KCTD8: variants seen among roughly 807,000 people sequenced by gnomAD.
KCTD8 encodes the protein BTB/POZ domain-containing protein KCTD8.
Under a neutral mutation model 31.5 loss-of-function variants are expected in KCTD8, and 27 were observed. That is an observed-to-expected ratio of 0.86 (90% CI 0.63 to 1.18). The LOEUF (loss-of-function observed/expected upper bound fraction) is 1.18. Ranked by LOEUF, KCTD8 falls within the 50% of genes most tolerant of loss-of-function variation. The pLI, the probability that KCTD8 is intolerant of heterozygous loss-of-function variation, is 0.00. For synonymous variants in KCTD8, 290 were observed against 280.0 expected (o/e 1.04, Z -0.36); for missense variants, 658 against 647.7 (o/e 1.02, Z -0.17).
chr4:44,326,089 T>C (rs2046854), intron 1 of KCTD8, among the ~76,000 whole-genome samples: 31,474 of 151,952 alleles, frequency 0.21, 3,727 homozygotes, highest in African/African-American at 0.31. Flanking sequence ...GTAATGTCAT[T>C]GCTTCTTCAG....
rs182761112 is a variant in KCTD8, at chr4:44,445,516, T to C, written c.961+2047A>G. On this transcript the variant is annotated intron_variant, in intron 1 of 1. Transcript: ENST00000360029. ...TGAAACATCCTGAATTTCAAATATC[T>C]CTCAAATTTATCCCATTAGCTAAAT... Among the ~76,000 whole-genome samples the C allele has an allele frequency of 6.6e-5, 10 of 152,292 alleles. No individual in the cohort carries two copies. In the East Asian group the frequency reaches 1.9e-3, roughly 29 times the overall value.
intron 1 of KCTD8, among the ~76,000 whole-genome samples, chr4:44,373,472 C>A (rs1466498389): frequency 6.6e-6 from 1 of 152,090 alleles, no homozygotes; most frequent in South Asian, 2.1e-4. Context: ...CGGTACCTAA[C>A]CTGTTTATCC....
chr4:44,182,126 G>A (rs1034226035), intron 1 of KCTD8, among the ~76,000 whole-genome samples: 1 of 151,394 alleles, frequency 6.6e-6, no homozygotes, highest in Non-Finnish European at 1.5e-5. Context: ...GAAGGTGGGG[G>A]GTCAGCCCCC....
chr4:44,310,854 T>C (rs988184463), intron 1 of KCTD8, among the ~76,000 whole-genome samples: 1 of 152,114 alleles, frequency 6.6e-6, no homozygotes, highest in African/African-American at 2.4e-5. Context: ...ACACTACATA[T>C]AAATTAATTA....
chr4:44,370,421 A>G (rs891403885), intron 1 of KCTD8, among the ~76,000 whole-genome samples: 24 of 152,254 alleles, frequency 1.6e-4, no homozygotes, highest in Admixed American at 7.8e-4. Flanking sequence ...TATTATCAGA[A>G]TAATTAGCAA....
intron 1 of KCTD8, among the ~76,000 whole-genome samples, chr4:44,218,340 G>T (rs563945081): frequency 6.6e-6 from 1 of 151,134 alleles, no homozygotes; most frequent in South Asian, 2.1e-4. Flanking sequence ...CGCCACATTG[G>T]CCAGGCTGGT....
At chr4:44,391,618 TA>T (rs1245227266) in intron 1 of KCTD8, among the ~76,000 whole-genome samples, 50 of 151,738 alleles carry the variant, frequency 3.3e-4, no homozygotes, top group African/African-American at 1.1e-3. Context: ...ACATATAACA[TA>T]AAAACTATGT....
rs111507202 is a variant in KCTD8 at position 44,254,346 on chromosome 4, T to A, written c.962-79096A>T. ...GGTCCAGGGCAAAGATCAAATATAG[T>A]TTTTTACAGGAAAACACGTTTTTAA... On this transcript the variant is annotated intron_variant, in intron 1 of 1. Coordinates refer to ENST00000360029, the MANE Select transcript of KCTD8 (RefSeq NM_198353.3). Among the ~76,000 whole-genome samples the A allele has an allele frequency of 7.0e-3, 1,066 of 151,994 alleles. 12 individuals carry two copies. The highest frequency in any genetic ancestry group is 0.024 in the African/African-American group (1,016 of 41,490).
chr4:44,261,768 C>CT (rs1271495339), intron 1 of KCTD8, among the ~76,000 whole-genome samples: 9 of 151,814 alleles, frequency 5.9e-5, no homozygotes, highest in Non-Finnish European at 1.3e-4. Context: ...GGATTTCTTT[C>CT]TTTTTTATGG....
At chr4:44,423,707 GA>G (rs1296311592) in intron 1 of KCTD8, among the ~76,000 whole-genome samples, 1 of 151,914 alleles carries the variant, frequency 6.6e-6, no homozygotes, top group Non-Finnish European at 1.5e-5. Flanking sequence ...GAAGAGTAAG[GA>G]AAAAAACGAA....
chr4:44,265,838 A>G (rs1716334386), intron 1 of KCTD8, among the ~76,000 whole-genome samples: 2 of 152,346 alleles, frequency 1.3e-5, no homozygotes, highest in Non-Finnish European at 2.9e-5. Context: ...AGGGAAGTTT[A>G]GAGAAAAAAG....
chr4:44,338,233 T>C (rs1236021784), intron 1 of KCTD8, among the ~76,000 whole-genome samples: 1 of 152,164 alleles, frequency 6.6e-6, no homozygotes, highest in Non-Finnish European at 1.5e-5. Flanking sequence ...ATAATGGAAA[T>C]ACATCATTTT....
At chr4:44,355,388 G>A (rs912396584) in intron 1 of KCTD8, among the ~76,000 whole-genome samples, 1 of 152,070 alleles carries the variant, frequency 6.6e-6, no homozygotes, top group Non-Finnish European at 1.5e-5. Flanking sequence ...AGCTGAGCAT[G>A]TTGCTTTTTT....
At chr4:44,317,215 C>T (rs1413826196) in intron 1 of KCTD8, among the ~76,000 whole-genome samples, 2 of 129,282 alleles carry the variant, frequency 1.5e-5, no homozygotes, top group African/African-American at 5.8e-5. Flanking sequence ...TATGTATTGC[C>T]TATGGGTGCT....
intron 1 of KCTD8, among the ~76,000 whole-genome samples, chr4:44,308,204 C>T (rs1231591635): frequency 2.0e-5 from 3 of 151,982 alleles, no homozygotes; most frequent in Non-Finnish European, 4.4e-5. Flanking sequence ...TATGTGATGT[C>T]TCATAGCTAC....
chr4:44,187,719 G>T (rs901832795), intron 1 of KCTD8, among the ~76,000 whole-genome samples: 1 of 152,160 alleles, frequency 6.6e-6, no homozygotes, highest in African/African-American at 2.4e-5. Context: ...GCTTGGCAAG[G>T]ATTAATGAGA....
intron 1 of KCTD8, among the ~76,000 whole-genome samples, chr4:44,442,493 A>G (rs1721837975): frequency 6.6e-6 from 1 of 152,164 alleles, no homozygotes; most frequent in African/African-American, 2.4e-5. Context: ...AGGCCGAGGC[A>G]GGAGAATGAC....
chr4:44,208,153 T>C (rs1056037544), intron 1 of KCTD8, among the ~76,000 whole-genome samples: 41 of 152,314 alleles, frequency 2.7e-4, no homozygotes, highest in Middle Eastern at 3.4e-3. Context: ...ATTAACTTTC[T>C]TAGAAATTTT....
At chr4:44,324,053 A>C (rs4695707) in intron 1 of KCTD8, among the ~76,000 whole-genome samples, 3,521 of 144,980 alleles carry the variant, frequency 0.024, 106 homozygotes, top group African/African-American at 0.058. Context: ...TTAAAAAAAA[A>C]AAAACAAAAC....
Sources: gnomAD v4.1 joint callset for allele counts (sites outside exome capture counted in the v4.1 genomes callset) on GRCh38, gnomAD v4.1.1 for gene constraint, MANE v1.5 for transcripts, NCBI Gene and HGNC (gene_info 2026-07-23, HGNC 2026-07-21) for gene names.